CSMD1: variants seen among roughly 807,000 people sequenced by gnomAD.
CSMD1 encodes CUB and Sushi multiple domains 1.
CSMD1 carries 213 observed loss-of-function variants against 417.5 expected under a neutral mutation model. That is an observed-to-expected ratio of 0.51 (90% confidence interval 0.46 to 0.57). CSMD1 has a LOEUF of 0.57. Ranked by LOEUF, CSMD1 falls within the 20% of genes least tolerant of loss-of-function variation. The pLI is 0.00. For synonymous variants in CSMD1, 2,862 were observed against 1,736.8 expected, an observed-to-expected ratio of 1.65 and a Z score of -16.11; for missense variants, 6,923 against 4,529.7, an observed-to-expected ratio of 1.53 and a Z score of -15.17.
chr8:4,806,878 G>C (rs971473638), intron 1 of CSMD1, among the ~76,000 whole-genome samples: 2 of 152,144 alleles, frequency 1.3e-5, no homozygotes, highest in South Asian at 2.1e-4. Flanking sequence ...CTGAAAGATG[G>C]TCTTACCCTT....
At chr8:4,262,487 T>C (rs1404833743) in intron 3 of CSMD1, among the ~76,000 whole-genome samples, 1 of 152,202 alleles carries the variant, frequency 6.6e-6, no homozygotes, top group Admixed American at 6.5e-5. Flanking sequence ...TCCCTTGCTA[T>C]TTCCTTTTGC....
chr8:3,050,398 C>G (rs1811742771), intron 50 of CSMD1, among the ~76,000 whole-genome samples: 1 of 152,112 alleles, frequency 6.6e-6, no homozygotes, highest in African/African-American at 2.4e-5. Flanking sequence ...GCAGGAAATA[C>G]AGACTTTAAA....
chr8:3,007,303 G>C (rs1012062810), intron 52 of CSMD1, among the ~76,000 whole-genome samples: 1 of 151,860 alleles, frequency 6.6e-6, no homozygotes, highest in Admixed American at 6.5e-5. Context: ...TGGAGAAATA[G>C]GAACACTACA....
intron 3 of CSMD1, among the ~76,000 whole-genome samples, chr8:4,187,637 C>G (rs1229109883): frequency 2.2e-5 from 3 of 139,110 alleles, no homozygotes; most frequent in Non-Finnish European, 4.5e-5. Flanking sequence ...GATTGCATCA[C>G]TGCACTCCAG....
intron 8 of CSMD1, among the ~76,000 whole-genome samples, chr8:3,601,035 T>G (rs892964860): frequency 6.6e-6 from 1 of 152,184 alleles, no homozygotes; most frequent in Non-Finnish European, 1.5e-5. Flanking sequence ...ATTGGACATT[T>G]TTCATTCATC....
chr8:4,648,435 A>G (rs1803676108), intron 1 of CSMD1, among the ~76,000 whole-genome samples: 1 of 152,136 alleles, frequency 6.6e-6, no homozygotes, highest in Non-Finnish European at 1.5e-5. Context: ...CTCAGTCCAC[A>G]CCACAAGGGC....
intron 5 of CSMD1, among the ~76,000 whole-genome samples, chr8:3,869,940 G>C (rs1035670009): frequency 7.3e-5 from 11 of 151,718 alleles, no homozygotes; most frequent in African/African-American, 2.4e-4. Flanking sequence ...AAAAGAGAGT[G>C]AGCTAGCTAT....
chr8:3,533,362 A>C (rs1017978744), intron 10 of CSMD1, among the ~76,000 whole-genome samples: 2 of 152,066 alleles, frequency 1.3e-5, no homozygotes, highest in African/African-American at 4.8e-5. Context: ...TACATAAGAG[A>C]ACTTTATACT....
chr8:3,856,548 A>T (rs569476846), intron 5 of CSMD1, among the ~76,000 whole-genome samples: 1 of 152,318 alleles, frequency 6.6e-6, no homozygotes, highest in South Asian at 2.1e-4. Context: ...GACTGTCCAC[A>T]TCATGCGGCA....
chr8:4,040,518 C>T (rs1797831433), intron 3 of CSMD1, among the ~76,000 whole-genome samples: 1 of 152,110 alleles, frequency 6.6e-6, no homozygotes, highest in Non-Finnish European at 1.5e-5. Context: ...GAAAATGTGG[C>T]TAACATCAGA....
At chr8:3,965,476 A>G (rs1050361335) in intron 5 of CSMD1, among the ~76,000 whole-genome samples, 5 of 152,198 alleles carry the variant, frequency 3.3e-5, no homozygotes, top group African/African-American at 1.2e-4. Flanking sequence ...TGAGTAGACG[A>G]TATCACAAAA....
intron 1 of CSMD1, among the ~76,000 whole-genome samples, chr8:4,665,927 C>G (rs1170728782): frequency 1.3e-5 from 2 of 152,034 alleles, no homozygotes; most frequent in Admixed American, 1.3e-4. Context: ...CAAGAATGAC[C>G]CAAATGTTTG....
chr8:3,664,046 T>C (rs1021595083), intron 7 of CSMD1, among the ~76,000 whole-genome samples: 1 of 152,222 alleles, frequency 6.6e-6, no homozygotes, highest in Non-Finnish European at 1.5e-5. Flanking sequence ...GTTATTATTA[T>C]TAAACTTTAA....
At chr8:3,317,946 GACCACAGATGTGGGCCACCATGCCC>G (rs2117459063) in intron 23 of CSMD1, among the ~76,000 whole-genome samples, 1 of 152,218 alleles carries the variant, frequency 6.6e-6, no homozygotes, top group African/African-American at 2.4e-5. Context: ...GAGTAGCTGG[GACCACAGATGTGGGCCACCATGCCC>G]AGCTAATATT....
chr8:3,936,785 C>G lies in CSMD1; in HGVS notation c.818+61118G>C, dbSNP rs372185126. 1.3e-3 allele frequency among the ~76,000 whole-genome samples: 192 copies of G among 152,224 alleles called. 5 individuals are homozygous for G. The South Asian group carries it at 0.039, about 31-fold the overall frequency. ...AGAAACACGAAAAACTTTTGACTTTCAATTATTGTTATTTAAGAAATATGT... is the reference window on the plus strand; with the variant it reads ...AGAAACACGAAAAACTTTTGACTTTGAATTATTGTTATTTAAGAAATATGT... On this transcript the variant is annotated intron_variant, in intron 5 of 69. Transcript: ENST00000635120.
intron 3 of CSMD1, among the ~76,000 whole-genome samples, chr8:4,238,708 G>C (rs920524718): frequency 6.6e-6 from 1 of 152,054 alleles, no homozygotes; most frequent in Admixed American, 6.6e-5. Flanking sequence ...TAGCTGTTTG[G>C]GGCAGGTCAA....
rs181876087 is a variant in CSMD1 at position 4,297,984 on chromosome 8, G to A, written c.415+121969C>T. ...ACCTGAAGAGTGAATATGGTGAAGA[G>A]GTGCTAAAATGTAGCAAACGCTTGT... On this transcript the variant is annotated intron_variant, in intron 3 of 69. Coordinates refer to ENST00000635120, the MANE Select transcript of CSMD1 (RefSeq NM_033225.6). 7.9e-5 allele frequency among the ~76,000 whole-genome samples: 12 copies of A among 152,178 alleles called. No individual in the cohort carries two copies. In the East Asian group the frequency reaches 2.3e-3, roughly 29 times the overall value.
chr8:4,868,659 A>C (rs1802555636), intron 1 of CSMD1, among the ~76,000 whole-genome samples: 2 of 152,088 alleles, frequency 1.3e-5, no homozygotes, highest in South Asian at 4.1e-4. Flanking sequence ...GAAAATTATT[A>C]CCTAAGAATA....
rs1031273022 is a variant in CSMD1, at chr8:4,857,029, C to T, written c.85+137303G>A. Among the ~76,000 whole-genome samples the T allele has an allele frequency of 5.9e-4, 88 of 149,160 alleles. No individual in the cohort carries two copies. The South Asian group carries it at 0.014, about 23-fold the overall frequency. ...ACATACTGGGAAGTAAAGCTCTCCT[C>T]AGCAAATGTAAAAGAACAGAAATTA... On this transcript the variant is annotated intron_variant, in intron 1 of 69. Transcript: ENST00000635120.
Sources: allele counts gnomAD v4.1 joint callset (sites outside exome capture counted in the v4.1 genomes callset), GRCh38; gene constraint gnomAD v4.1.1; transcripts MANE v1.5; gene names NCBI Gene and HGNC (gene_info 2026-07-23, HGNC 2026-07-21).